The following DPYD variants were observed in gnomAD, a reference collection of about 807,000 sequenced individuals.
The protein encoded by DPYD is dihydropyrimidine dehydrogenase [NADP(+)].
In DPYD, 109 loss-of-function variants were observed where a neutral mutation model predicts 116.2. The observed-to-expected ratio is 0.94, with a 90% CI of 0.80 to 1.10. The LOEUF (loss-of-function observed/expected upper bound fraction) is 1.10, where lower values mean the gene tolerates loss of function less well. Ranked by LOEUF, DPYD falls within the 50% of genes least tolerant of loss-of-function variation. DPYD has a pLI of 0.00. For synonymous variants in DPYD, 440 were observed against 432.0 expected, an observed-to-expected ratio of 1.02 and a Z score of -0.23; for missense variants, 1,302 against 1,254.5, an observed-to-expected ratio of 1.04 and a Z score of -0.57.
At chr1:97,561,788 C>A (rs1652171406) in intron 11 of DPYD, among the ~76,000 whole-genome samples, 1 of 152,170 alleles carries the variant, frequency 6.6e-6, no homozygotes, top group Non-Finnish European at 1.5e-5. Context: ...ATTCATCCAG[C>A]CTGTTTACTA....
Position 97,121,785 on chromosome 1 carries a change from T to A in DPYD, c.2623-23153A>T, listed in dbSNP as rs956217731. 7.9e-5 allele frequency among the ~76,000 whole-genome samples: 12 copies of A among 152,186 alleles called. No individual in the cohort carries two copies. The East Asian group carries it at 2.1e-3, about 27-fold the overall frequency. Reference sequence around the variant, plus strand: ...ACTTATGTGTGGCTGAAATAAAAAATAAACCTAGTTGGTTTGGGCTCGAAA... The same window carrying A: ...ACTTATGTGTGGCTGAAATAAAAAAAAAACCTAGTTGGTTTGGGCTCGAAA... On this transcript the variant is annotated intron_variant, in intron 20 of 22. Coordinates refer to ENST00000370192, the MANE Select transcript of DPYD (RefSeq NM_000110.4).
intron 20 of DPYD, among the ~76,000 whole-genome samples, chr1:97,145,437 G>A (rs1219422906): frequency 5.3e-5 from 8 of 152,096 alleles, no homozygotes; most frequent in Admixed American, 1.3e-4. Context: ...TTCCAAGTTC[G>A]TTCCAAGCTA....
chr1:97,130,075 T>A (rs879899230), intron 20 of DPYD, among the ~76,000 whole-genome samples: 3 of 152,142 alleles, frequency 2.0e-5, no homozygotes, highest in Non-Finnish European at 4.4e-5. Context: ...TCTCATGTTG[T>A]CCACCACCGA....
chr1:97,137,584 G>A (rs914381658), intron 20 of DPYD, among the ~76,000 whole-genome samples: 6 of 152,000 alleles, frequency 3.9e-5, no homozygotes, highest in African/African-American at 1.2e-4. Flanking sequence ...ACATTCTGTC[G>A]GCTCTGTATC....
chr1:97,391,205 T>G (rs184610302), intron 14 of DPYD, among the ~76,000 whole-genome samples: 3 of 152,082 alleles, frequency 2.0e-5, no homozygotes, highest in African/African-American at 7.2e-5. Context: ...TATTAATACA[T>G]GCAGAAAATC....
chr1:97,308,585 A>T (rs539710077), intron 16 of DPYD, among the ~76,000 whole-genome samples: 1 of 151,998 alleles, frequency 6.6e-6, no homozygotes, highest in South Asian at 2.1e-4. Flanking sequence ...TAACATCATG[A>T]AATGAATCTA....
chr1:97,396,767 C>T (rs1043291185), intron 14 of DPYD, among the ~76,000 whole-genome samples: 1 of 152,006 alleles, frequency 6.6e-6, no homozygotes, highest in Non-Finnish European at 1.5e-5. Context: ...TTCTTTTCCT[C>T]ATATTGGTCC....
intron 1 of DPYD, among the ~76,000 whole-genome samples, chr1:97,904,252 T>C (rs1673500046): frequency 6.6e-6 from 1 of 152,018 alleles, no homozygotes; most frequent in Non-Finnish European, 1.5e-5. Context: ...CATTTAAAGA[T>C]GTCATTATTA....
intron 2 of DPYD, among the ~76,000 whole-genome samples, chr1:97,836,413 A>T (rs759358272): frequency 6.6e-6 from 1 of 152,198 alleles, no homozygotes; most frequent in Non-Finnish European, 1.5e-5. Flanking sequence ...TAGTTAAAAT[A>T]TAGAAAAGTC....
intron 16 of DPYD, among the ~76,000 whole-genome samples, chr1:97,317,699 A>T (rs1570502161): frequency 6.6e-6 from 1 of 152,128 alleles, no homozygotes; most frequent in East Asian, 1.9e-4. Flanking sequence ...CAACACAGGG[A>T]GGAAGCTAGT....
intron 1 of DPYD, among the ~76,000 whole-genome samples, chr1:97,918,229 C>G (rs190328717): frequency 1.3e-5 from 2 of 151,976 alleles, no homozygotes; most frequent in East Asian, 3.9e-4. Flanking sequence ...GTCCTTTTTC[C>G]CAACAAGATG....
chr1:97,122,072 T>A (rs149015030), intron 20 of DPYD, among the ~76,000 whole-genome samples: 236 of 152,286 alleles, frequency 1.5e-3, no homozygotes, highest in African/African-American at 5.4e-3. Flanking sequence ...AGAGATGAGA[T>A]AAATGGCATT....
intron 2 of DPYD, among the ~76,000 whole-genome samples, chr1:97,871,620 C>A (rs1433386358): frequency 1.3e-5 from 2 of 151,082 alleles, no homozygotes; most frequent in African/African-American, 4.9e-5. Flanking sequence ...GAAAAAGAAT[C>A]CATCCATATG....
rs552134965 is a variant in DPYD at position 97,150,896 on chromosome 1, A to G, written c.2622+42173T>C. Among the ~76,000 whole-genome samples, 3 of 152,320 alleles carry G rather than the reference A, an allele frequency of 2.0e-5. No homozygotes were observed. In the East Asian group the frequency reaches 5.8e-4, roughly 29 times the overall value. Reference sequence around the variant, plus strand: ...GGAATTCTAGTACATTATAATGACAAATGTTTTTCATTGCAATATTCATTG... The same window carrying G: ...GGAATTCTAGTACATTATAATGACAGATGTTTTTCATTGCAATATTCATTG... On this transcript the variant is annotated intron_variant, in intron 20 of 22. Transcript: ENST00000370192.
intron 8 of DPYD, among the ~76,000 whole-genome samples, chr1:97,636,983 G>T (rs768577610): frequency 9.2e-5 from 14 of 152,096 alleles, no homozygotes; most frequent in South Asian, 4.1e-4. Context: ...CCCAGAGTTG[G>T]TATAAGAAAT....
In DPYD at chr1:97,692,583, T is replaced by A. The variant is rs533165216; in HGVS notation, c.681-785A>T. On this transcript the variant is annotated intron_variant, in intron 6 of 22. Coordinates refer to ENST00000370192, the MANE Select transcript of DPYD (RefSeq NM_000110.4). ...ATTCATTCATTCATTTGCTGAATCATTCATTCACCTACTCATTAAAAGTGA... is the reference window on the plus strand; with the variant it reads ...ATTCATTCATTCATTTGCTGAATCAATCATTCACCTACTCATTAAAAGTGA... 2.0e-5 allele frequency among the ~76,000 whole-genome samples: 3 copies of A among 152,356 alleles called. No homozygotes were observed. In the South Asian group the frequency reaches 6.2e-4, roughly 32 times the overall value.
intron 13 of DPYD, among the ~76,000 whole-genome samples, chr1:97,471,865 C>T (rs1677680576): frequency 6.6e-6 from 1 of 152,218 alleles, no homozygotes; most frequent in Admixed American, 6.5e-5. Context: ...GCTGGGATTA[C>T]AGGCGTGAGC....
intron 20 of DPYD, among the ~76,000 whole-genome samples, chr1:97,143,228 G>C (rs993950839): frequency 1.3e-5 from 2 of 151,994 alleles, no homozygotes; most frequent in South Asian, 2.1e-4. Flanking sequence ...CATTCTACCA[G>C]GGATGTTTGG....
intron 1 of DPYD, among the ~76,000 whole-genome samples, chr1:97,907,249 C>A (rs571304833): frequency 6.6e-6 from 1 of 152,216 alleles, no homozygotes; most frequent in South Asian, 2.1e-4. Context: ...TGAAGGGGAA[C>A]TGCTGTGTTT....
Sources: allele counts gnomAD v4.1 joint callset (sites outside exome capture counted in the v4.1 genomes callset), GRCh38; gene constraint gnomAD v4.1.1; transcripts MANE v1.5; gene names NCBI Gene and HGNC (gene_info 2026-07-23, HGNC 2026-07-21).